The following MAU2 variants were observed in gnomAD, a reference collection of about 807,000 sequenced individuals.
MAU2 encodes the protein MAU2 chromatid cohesion factor homolog.
MAU2 carries 9 observed loss-of-function variants against 89.1 expected under a neutral mutation model. The observed-to-expected ratio is 0.10, with a 90% CI of 0.06 to 0.18. The LOEUF (loss-of-function observed/expected upper bound fraction) is 0.18, where lower values mean the gene tolerates loss of function less well. Among genes scored for constraint, MAU2 ranks in the 10% least tolerant of loss-of-function variants. The pLI is 1.00. For missense variants in MAU2, 425 were observed against 803.5 expected (o/e 0.53, Z 5.69); for synonymous variants, 357 against 343.4 (o/e 1.04, Z -0.44).
chr19:19,325,249 C>T (rs926860153), intron 1 of MAU2, among the ~76,000 whole-genome samples: 5 of 152,174 alleles, frequency 3.3e-5, no homozygotes, highest in Admixed American at 6.5e-5. Context: ...AATCTTGGCT[C>T]ACTGCAACCT....
In MAU2 at chr19:19,323,157, G is replaced by A. The variant is rs760531752; in HGVS notation, c.276+2022G>A. Among the ~76,000 whole-genome samples, 13 of 151,914 alleles carry A rather than the reference G, an allele frequency of 8.6e-5. No individual in the cohort carries two copies. In the East Asian group the frequency reaches 2.5e-3, roughly 30 times the overall value. On this transcript the variant is annotated intron_variant, in intron 1 of 18. Coordinates refer to ENST00000262815, the MANE Select transcript of MAU2 (RefSeq NM_015329.4). The stretch of plus-strand genomic sequence containing the variant: ...TCCCCTCGGCCTCCCAAAGTGCTGA[G>A]ATTACAGGCATGAGCCACTGCGCCC...
chr19:19,342,517 G>C lies in MAU2; in HGVS notation c.736-18G>C, dbSNP rs929285064. 7.8e-6 allele frequency: 12 copies of C among 1,547,092 alleles called. No individual in the cohort carries two copies. In the Admixed American group the frequency reaches 1.3e-4, roughly 17 times the overall value. ...GAGGCCAGGCTCAGGTGGATGCTCG[G>C]GTGTGGGTGCTGCACAGGTGAAGAG... On this transcript the variant is annotated intron_variant, in intron 7 of 18. Coordinates refer to ENST00000262815, the MANE Select transcript of MAU2 (RefSeq NM_015329.4).
chr19:19,347,423 A>T, intron 13 of MAU2, 57 bp downstream of exon 13: 1 of 1,431,340 alleles, frequency 7.0e-7, no homozygotes. Context: ...CTTTTTGGGG[A>T]ACCAGGGGGT....
At chr19:19,355,675 G>C in intron 18 of MAU2, 33 bp from the exon 19 acceptor site, 5 of 1,574,138 alleles carry the variant, frequency 3.2e-6, no homozygotes, top group Non-Finnish European at 4.3e-6. Context: ...ACGGTCCACA[G>C]TGCCTCACTC....
intron 1 of MAU2, among the ~76,000 whole-genome samples, chr19:19,327,846 G>A (rs181306760): frequency 6.6e-6 from 1 of 152,192 alleles, no homozygotes; most frequent in East Asian, 1.9e-4. Context: ...CCTTCTCTGA[G>A]TATGGTTTTG....
intron 13 of MAU2, 158 bp from the exon 14 acceptor site, chr19:19,348,731 C>A: frequency 1.3e-6 from 1 of 793,872 alleles, no homozygotes; most frequent in Non-Finnish European, 2.2e-6. Context: ...CCCGGCCCTT[C>A]TCACCAGAGG....
At chr19:19,352,606 G>A (rs1388739857) in intron 16 of MAU2, 1 of 152,252 alleles carries the variant, frequency 6.6e-6, no homozygotes, top group Non-Finnish European at 1.5e-5. Context: ...CAGATGGGGA[G>A]GTTAAAGTCA....
At chr19:19,355,123 C>T (rs2048162931) in intron 17 of MAU2, 141 bp from the exon 18 acceptor site, 2 of 1,088,180 alleles carry the variant, frequency 1.8e-6, no homozygotes, top group Non-Finnish European at 2.6e-6. Flanking sequence ...CAAGACAGGG[C>T]TCAGGTCCAG....
intron 13 of MAU2, 195 bp from the exon 14 acceptor site, chr19:19,348,694 G>A: frequency 1.5e-6 from 1 of 677,918 alleles, no homozygotes. Context: ...CACAGGCAGG[G>A]CTGGCTGAGG....
intron 1 of MAU2, among the ~76,000 whole-genome samples, chr19:19,323,471 G>A (rs2061480416): frequency 1.3e-5 from 2 of 152,188 alleles, no homozygotes; most frequent in Middle Eastern, 3.4e-3. Flanking sequence ...TAGGATTATA[G>A]GTGTGAGTCA....
chr19:19,336,252 A>T (rs1167977893), intron 3 of MAU2, 65 bp downstream of exon 3: 3 of 1,208,052 alleles, frequency 2.5e-6, no homozygotes, highest in Admixed American at 1.9e-5. Flanking sequence ...ATGACAGCAC[A>T]TTGGTAAATT....
intron 4 of MAU2, among the ~76,000 whole-genome samples, 182 bp from the exon 5 acceptor site, chr19:19,338,663 G>A (rs181981583): frequency 2.6e-5 from 4 of 152,326 alleles, no homozygotes; most frequent in Non-Finnish European, 4.4e-5. Context: ...CAGGCCAACT[G>A]GAGCTGTGTA....
At chr19:19,348,808 T>G (rs1568665558) in intron 13 of MAU2, 81 bp from the exon 14 acceptor site, 2 of 1,462,074 alleles carry the variant, frequency 1.4e-6, no homozygotes, top group East Asian at 4.5e-5. Context: ...TGTAGAGAAA[T>G]TCCCATGCAC....
At position 19,345,848 on chromosome 19, in the gene MAU2, G is replaced by A. The variant is rs1458865499; in HGVS notation, c.1221+479G>A. On this transcript the variant is annotated intron_variant, in intron 12 of 18. Coordinates refer to ENST00000262815, the MANE Select transcript of MAU2 (RefSeq NM_015329.4). This position sits in a 1 kb window ranked among gnomAD's most constrained non-coding sequence, Gnocchi z 4.9. ...GCACCCCAGGCTCCTGGCCTTAGACGGGGGCCCCGCCAGGCCCTGGAAGAA... is the reference window on the plus strand; with the variant it reads ...GCACCCCAGGCTCCTGGCCTTAGACAGGGGCCCCGCCAGGCCCTGGAAGAA... Among the ~76,000 whole-genome samples, 2 of 152,276 alleles carry A rather than the reference G, an allele frequency of 1.3e-5. No individual in the cohort carries two copies. Among genetic ancestry groups the A allele is most frequent in the South Asian group, 2.1e-4 (1 of 4,828 alleles).
chr19:19,339,445 C>CA (rs34366787), intron 5 of MAU2, among the ~76,000 whole-genome samples: 82 of 141,222 alleles, frequency 5.8e-4, no homozygotes, highest in East Asian at 1.2e-3. Flanking sequence ...GACTCCGTCT[C>CA]AAAAAAAAAA....
chr19:19,342,419 C>T lies in MAU2; in HGVS notation c.736-116C>T, dbSNP rs1599913009. 3.8e-6 allele frequency: 5 copies of T among 1,318,594 alleles called. No individual in the cohort carries two copies. The East Asian group carries it at 1.2e-4, about 32-fold the overall frequency. The allele number at this position is 1,318,594 out of a possible 1,614,324, so 81.7% of individuals were successfully genotyped here. A position where few individuals can be genotyped will look rare whatever the true frequency, so the allele number is the denominator to read the frequency against. On this transcript the variant is annotated intron_variant, in intron 7 of 18. Coordinates refer to ENST00000262815, the MANE Select transcript of MAU2 (RefSeq NM_015329.4). ...GCGGCTTCATCTTGCAGGAGGTGGC[C>T]CTGGCAGAAGGGGAAGGCAGATGCT...
chr19:19,332,467 G>A (rs2061563751), intron 1 of MAU2, among the ~76,000 whole-genome samples: 1 of 151,928 alleles, frequency 6.6e-6, no homozygotes. Context: ...ATGGGAAACG[G>A]ATGTTAAAAA....
At chr19:19,321,236 C>A in intron 1 of MAU2, 101 bp downstream of exon 1, 2 of 1,321,858 alleles carry the variant, frequency 1.5e-6, no homozygotes, top group Non-Finnish European at 2.0e-6. Context: ...TCCTCGGCGA[C>A]CTGGGGGCGC....
At chr19:19,350,288 T>G (rs2061732187) in intron 16 of MAU2, among the ~76,000 whole-genome samples, 1 of 108,830 alleles carries the variant, frequency 9.2e-6, no homozygotes, top group Non-Finnish European at 1.8e-5. Context: ...AGAGTGAGAC[T>G]CTGTCTCAGA....
Sources: allele counts gnomAD v4.1 joint callset (sites outside exome capture counted in the v4.1 genomes callset), GRCh38; gene constraint gnomAD v4.1.1; non-coding constraint Gnocchi (gnomAD v3.1); transcripts MANE v1.5; gene names NCBI Gene and HGNC (gene_info 2026-07-23, HGNC 2026-07-21).